SGK1: variants seen among roughly 807,000 people sequenced by gnomAD.
SGK1 encodes the protein serine/threonine-protein kinase Sgk1.
A neutral mutation model predicts 64.2 loss-of-function variants in SGK1; 26 were observed. The ratio of observed to expected loss-of-function variants is 0.40; its 90% CI spans 0.30 to 0.56. The LOEUF (loss-of-function observed/expected upper bound fraction) is 0.56. Among genes scored for constraint, SGK1 ranks in the 20% least tolerant of loss-of-function variants. SGK1 has a pLI of 0.38. For synonymous variants in SGK1, 265 were observed against 239.7 expected (o/e 1.11, Z -0.98); for missense variants, 519 against 645.6 (o/e 0.80, Z 2.12).
intron 2 of SGK1, among the ~76,000 whole-genome samples, chr6:134,222,480 C>T (rs934057649): frequency 1.1e-4 from 16 of 152,078 alleles, no homozygotes; most frequent in African/African-American, 3.9e-4. Flanking sequence ...GGATTACAGG[C>T]GCCCACCACC....
At chr6:134,177,799 T>A (rs1280555394) in intron 3 of SGK1, 27 of 1,613,604 alleles carry the variant, frequency 1.7e-5, no homozygotes, top group Non-Finnish European at 2.3e-5. Context: ...ATGCCTCTGA[T>A]AAGCTGGAAC....
chr6:134,174,934 A>G, intron 3 of SGK1: 2 of 1,502,034 alleles, frequency 1.3e-6, no homozygotes, highest in Non-Finnish European at 1.8e-6. Context: ...CGACAGTGAG[A>G]AGTGGCCCCG....
At chr6:134,287,694 GATA>G (rs1169056145) in intron 1 of SGK1, among the ~76,000 whole-genome samples, 13 of 152,002 alleles carry the variant, frequency 8.6e-5, no homozygotes, top group African/African-American at 1.4e-4. Context: ...TGGAAAATGT[GATA>G]ATGACTTAAT....
At chr6:134,276,150 C>T (rs553705699) in intron 1 of SGK1, among the ~76,000 whole-genome samples, 2 of 152,286 alleles carry the variant, frequency 1.3e-5, no homozygotes, top group African/African-American at 4.8e-5. Flanking sequence ...ATCCCCAGAG[C>T]TTAGCACAAC....
intron 2 of SGK1, among the ~76,000 whole-genome samples, chr6:134,219,064 C>T (rs1776036887): frequency 6.6e-6 from 1 of 152,088 alleles, no homozygotes; most frequent in Non-Finnish European, 1.5e-5. Flanking sequence ...CTCACTGCAG[C>T]CTCGGTCTCC....
At chr6:134,172,438 G>A in intron 9 of SGK1, 122 bp from the exon 10 acceptor site, 6 of 985,320 alleles carry the variant, frequency 6.1e-6, no homozygotes, top group Non-Finnish European at 9.1e-6. Context: ...GTGTAGTGAA[G>A]AAAAAAGGGA....
At chr6:134,235,782 C>A (rs983365457) in intron 2 of SGK1, among the ~76,000 whole-genome samples, 2 of 151,878 alleles carry the variant, frequency 1.3e-5, no homozygotes, top group Non-Finnish European at 2.9e-5. Flanking sequence ...ACCATTTTGG[C>A]CAGGCTGGTC....
chr6:134,172,743 A>AAGC lies in SGK1; in HGVS notation c.863_865dup (p.Cys288dup). ...ATAGAAACGAGCCCGTGGTTCCAGG[A>AAGC]AGCAGCGTTCCCTCTGGAGATGGTA... is the stretch of plus-strand genomic sequence containing the variant. On this transcript the variant is annotated inframe_insertion, in exon 9 of 14. Transcript: ENST00000367858. The AAGC allele has an allele frequency of 6.2e-7, 1 of 1,614,066 alleles. No homozygotes were observed. The highest frequency in any genetic ancestry group is 8.5e-7 in the Non-Finnish European group (1 of 1,179,890).
At chr6:134,183,881 T>TA (rs1775376354) in intron 3 of SGK1, among the ~76,000 whole-genome samples, 1 of 104,192 alleles carries the variant, frequency 9.6e-6, no homozygotes, top group South Asian at 3.5e-4. Flanking sequence ...CGGCATTGGA[T>TA]CCTTCGGTCA....
At chr6:134,296,776 CA>C (rs869144600) in intron 1 of SGK1, among the ~76,000 whole-genome samples, 10,671 of 66,704 alleles carry the variant, frequency 0.16, 304 homozygotes, top group East Asian at 0.26. Flanking sequence ...TATTTTGGAC[CA>C]AAAAAAAAAA....
intron 2 of SGK1, among the ~76,000 whole-genome samples, chr6:134,248,739 A>G (rs1011850989): frequency 6.6e-6 from 1 of 152,020 alleles, no homozygotes; most frequent in Admixed American, 6.6e-5. Flanking sequence ...AACATAGAGA[A>G]CTCCCTAACT....
chr6:134,236,991 A>G (rs1458278686), intron 2 of SGK1, among the ~76,000 whole-genome samples: 3 of 151,988 alleles, frequency 2.0e-5, no homozygotes, highest in African/African-American at 7.2e-5. Flanking sequence ...CTGCTGTATT[A>G]TTTATAAATG....
chr6:134,230,933 G>C (rs538398779), intron 2 of SGK1, among the ~76,000 whole-genome samples: 1 of 152,276 alleles, frequency 6.6e-6, no homozygotes, highest in African/African-American at 2.4e-5. Context: ...AGAATCACTT[G>C]AACCTGGGAG....
intron 3 of SGK1, among the ~76,000 whole-genome samples, chr6:134,180,718 C>T (rs1273521062): frequency 6.6e-6 from 1 of 151,810 alleles, no homozygotes; most frequent in Non-Finnish European, 1.5e-5. Context: ...ACAAAAAATA[C>T]AAAAATTATC....
intron 3 of SGK1, among the ~76,000 whole-genome samples, chr6:134,188,994 C>A (rs1283110524): frequency 1.3e-5 from 2 of 149,804 alleles, no homozygotes; most frequent in Admixed American, 1.3e-4. Context: ...GATCCTCCCA[C>A]CTTGGTCTCC....
At chr6:134,310,114 A>C (rs1197013207) in intron 1 of SGK1, among the ~76,000 whole-genome samples, 1 of 144,034 alleles carries the variant, frequency 6.9e-6, no homozygotes, top group East Asian at 2.2e-4. Flanking sequence ...GTTTTGCTTT[A>C]CCTTGTTAAG....
intron 1 of SGK1, among the ~76,000 whole-genome samples, chr6:134,282,121 G>A (rs568609156): frequency 1.0e-3 from 159 of 152,232 alleles, no homozygotes; most frequent in African/African-American, 3.2e-3. Context: ...GACCTCTGTC[G>A]TGTTGAGTCA....
At chr6:134,180,785 C>T (rs571676164) in intron 3 of SGK1, among the ~76,000 whole-genome samples, 4 of 151,040 alleles carry the variant, frequency 2.6e-5, no homozygotes, top group East Asian at 3.9e-4. Context: ...GTGGGAGAAT[C>T]GCTTGAGCCC....
intron 2 of SGK1, among the ~76,000 whole-genome samples, chr6:134,219,316 A>G (rs117985827): frequency 0.065 from 9,893 of 151,910 alleles, 425 homozygotes; most frequent in Non-Finnish European, 0.097. Flanking sequence ...CTGGCCCTAA[A>G]ATGGCTGTTT....
Sources: allele counts gnomAD v4.1 joint callset (sites outside exome capture counted in the v4.1 genomes callset), GRCh38; gene constraint gnomAD v4.1.1; transcripts MANE v1.5; gene names NCBI Gene and HGNC (gene_info 2026-07-23, HGNC 2026-07-21).